Variants in MNAT1 observed in about 807,000 individuals in gnomAD.
MNAT1 encodes MNAT1 component of CDK activating kinase.
In MNAT1, 43 loss-of-function variants were observed where a neutral mutation model predicts 42.0. That is an observed-to-expected ratio of 1.02 (90% CI 0.80 to 1.32). The LOEUF (loss-of-function observed/expected upper bound fraction) is 1.32. Among genes scored for constraint, MNAT1 ranks in the 40% most tolerant of loss-of-function variants. The probability of loss-of-function intolerance (pLI) is 0.00; values close to 1 mark genes in which losing one functional copy is unlikely to be tolerated. For missense variants in MNAT1, 306 were observed against 350.4 expected (o/e 0.87, Z 1.01); for synonymous variants, 118 against 120.0 (o/e 0.98, Z 0.11).
In MNAT1 at chr14:60,737,393, A is replaced by ATG. The variant is rs1316739391; in HGVS notation, c.89+2448_89+2449dup. ...AGGAATATAGCATAAACATATATAT[A>ATG]TGTGTGTATATATATATATTTCCTT... is the stretch of plus-strand genomic sequence containing the variant. On this transcript the variant is annotated intron_variant, in intron 1 of 7. Coordinates refer to ENST00000261245, the MANE Select transcript of MNAT1 (RefSeq NM_002431.4). Among the ~76,000 whole-genome samples the ATG allele has an allele frequency of 4.6e-5, 7 of 151,878 alleles. No homozygotes were observed. The South Asian group carries it at 1.0e-3, about 22-fold the overall frequency.
chr14:60,944,744 G>T (rs927573159), intron 7 of MNAT1, among the ~76,000 whole-genome samples: 2 of 152,108 alleles, frequency 1.3e-5, no homozygotes, highest in African/African-American at 4.8e-5. Flanking sequence ...ACTTCAAATT[G>T]TCAAGATTTT....
intron 6 of MNAT1, among the ~76,000 whole-genome samples, chr14:60,849,956 C>T (rs1056630248): frequency 5.3e-5 from 8 of 152,072 alleles, no homozygotes; most frequent in Middle Eastern, 3.2e-3. Context: ...CCCGCCTCAG[C>T]CTCCTGAGTG....
intron 1 of MNAT1, among the ~76,000 whole-genome samples, chr14:60,757,607 A>G (rs2030414879): frequency 6.6e-6 from 1 of 152,226 alleles, no homozygotes. Flanking sequence ...AGTTTACATC[A>G]GAATATAGGA....
intron 7 of MNAT1, among the ~76,000 whole-genome samples, chr14:60,887,118 A>G (rs1312048183): frequency 1.3e-5 from 2 of 151,936 alleles, no homozygotes; most frequent in Non-Finnish European, 2.9e-5. Flanking sequence ...TGAGATGATC[A>G]TGTGGTTTTT....
rs2036523780 is a variant in MNAT1 at position 60,958,445 on chromosome 14, C to A, written c.810-9784C>A. 2.0e-5 allele frequency among the ~76,000 whole-genome samples: 3 copies of A among 151,960 alleles called. No individual in the cohort carries two copies. In the South Asian group the frequency reaches 6.2e-4, roughly 32 times the overall value. ...CTTCTCTCTTGCTGCTTTAAAAATT[C>A]TCTGTCTTTGATTTTTGAAAATTTG... On this transcript the variant is annotated intron_variant, in intron 7 of 7. Transcript: ENST00000261245.
chr14:60,892,897 C>T lies in MNAT1; in HGVS notation c.809+13062C>T, dbSNP rs569550712. On this transcript the variant is annotated intron_variant, in intron 7 of 7. Transcript: ENST00000261245. ...CCTCACCCCTTTTAGTTGACAGCACCACAGAATTACATCTTTATATATTGT... is the reference window on the plus strand; with the variant it reads ...CCTCACCCCTTTTAGTTGACAGCACTACAGAATTACATCTTTATATATTGT... 4.6e-5 allele frequency among the ~76,000 whole-genome samples: 7 copies of T among 152,158 alleles called. No individual in the cohort carries two copies. In the East Asian group the frequency reaches 1.3e-3, roughly 29 times the overall value.
At chr14:60,737,988 A>G (rs992296740) in intron 1 of MNAT1, among the ~76,000 whole-genome samples, 9 of 150,612 alleles carry the variant, frequency 6.0e-5, no homozygotes, top group African/African-American at 2.0e-4. Flanking sequence ...AGCTGGGACT[A>G]CAGGCGCCCG....
intron 7 of MNAT1, among the ~76,000 whole-genome samples, chr14:60,928,874 GCTCATGC>G (rs987709878): frequency 3.6e-4 from 54 of 151,592 alleles, no homozygotes; most frequent in African/African-American, 1.1e-3. Flanking sequence ...GGGCACAGTG[GCTCATGC>G]CTGTAATCCC....
intron 7 of MNAT1, among the ~76,000 whole-genome samples, chr14:60,901,226 C>G (rs755205801): frequency 1.1e-4 from 16 of 152,072 alleles, no homozygotes; most frequent in Non-Finnish European, 2.4e-4. Context: ...GCCAGGATGA[C>G]AGTGTGTCTG....
At chr14:60,735,068 G>T in intron 1 of MNAT1, 117 bp downstream of exon 1, 2 of 948,342 alleles carry the variant, frequency 2.1e-6, no homozygotes, top group Non-Finnish European at 1.7e-6. Flanking sequence ...CAACACTGGG[G>T]AGGAAAATGG....
intron 7 of MNAT1, among the ~76,000 whole-genome samples, chr14:60,881,366 G>A (rs771206183): frequency 6.6e-6 from 1 of 151,920 alleles, no homozygotes; most frequent in Admixed American, 6.6e-5. Context: ...TGTATTTTTT[G>A]TAGAGACAGG....
chr14:60,853,859 T>G (rs187643532), intron 6 of MNAT1, among the ~76,000 whole-genome samples: 1 of 152,308 alleles, frequency 6.6e-6, no homozygotes, highest in African/African-American at 2.4e-5. Flanking sequence ...TTTTGATTTG[T>G]GTATGTTGAA....
chr14:60,890,245 T>C (rs968017273), intron 7 of MNAT1, among the ~76,000 whole-genome samples: 1 of 152,232 alleles, frequency 6.6e-6, no homozygotes, highest in Non-Finnish European at 1.5e-5. Context: ...ATGTGGCACA[T>C]ATACACCATG....
intron 7 of MNAT1, among the ~76,000 whole-genome samples, chr14:60,898,380 C>T (rs1051923659): frequency 1.3e-5 from 2 of 151,998 alleles, no homozygotes; most frequent in African/African-American, 4.8e-5. Flanking sequence ...AATTTGCATT[C>T]CCACCAATAG....
At chr14:60,947,358 C>G (rs1255758750) in intron 7 of MNAT1, among the ~76,000 whole-genome samples, 1 of 152,038 alleles carries the variant, frequency 6.6e-6, no homozygotes, top group Non-Finnish European at 1.5e-5. Flanking sequence ...TGCTCAGAAC[C>G]CAAGGGCTCT....
At chr14:60,878,377 AT>A (rs567108696) in intron 6 of MNAT1, among the ~76,000 whole-genome samples, 35 of 152,158 alleles carry the variant, frequency 2.3e-4, no homozygotes, top group Non-Finnish European at 4.3e-4. Context: ...CCTTTTACAA[AT>A]TTTTTGAGGT....
At chr14:60,746,514 C>CA (rs11296750) in intron 1 of MNAT1, among the ~76,000 whole-genome samples, 133 of 126,416 alleles carry the variant, frequency 1.1e-3, no homozygotes, top group East Asian at 5.3e-3. Context: ...GACTCTGTCT[C>CA]AAAAAAAAAA....
chr14:60,894,441 C>T (rs2034910226), intron 7 of MNAT1, among the ~76,000 whole-genome samples: 1 of 151,806 alleles, frequency 6.6e-6, no homozygotes, highest in African/African-American at 2.4e-5. Flanking sequence ...GTTAGAATTC[C>T]CTGTAAAGTA....
At chr14:60,848,219 A>G (rs1489511430) in intron 6 of MNAT1, among the ~76,000 whole-genome samples, 1 of 152,152 alleles carries the variant, frequency 6.6e-6, no homozygotes, top group African/African-American at 2.4e-5. Flanking sequence ...CCGTTTGAAT[A>G]TATCGTTCCA....
Sources: gnomAD v4.1 joint callset for allele counts (sites outside exome capture counted in the v4.1 genomes callset) on GRCh38, gnomAD v4.1.1 for gene constraint, MANE v1.5 for transcripts, NCBI Gene and HGNC (gene_info 2026-07-23, HGNC 2026-07-21) for gene names.